TECTA: variants seen among roughly 807,000 people sequenced by gnomAD.
The protein encoded by TECTA is alpha-tectorin.
Under a neutral mutation model 216.8 loss-of-function variants are expected in TECTA, and 128 were observed. That is an observed-to-expected ratio of 0.59 (90% CI 0.51 to 0.68). The LOEUF (loss-of-function observed/expected upper bound fraction) is 0.68. Among genes scored for constraint, TECTA ranks in the 30% least tolerant of loss-of-function variants. The pLI is 0.00. For missense variants in TECTA, 2,551 were observed against 2,786.2 expected, an observed-to-expected ratio of 0.92 and a Z score of 1.90; for synonymous variants, 1,089 against 1,117.1, an observed-to-expected ratio of 0.97 and a Z score of 0.50.
At chr11:121,150,274 G>A (rs1946876983) in intron 12 of TECTA, among the ~76,000 whole-genome samples, 1 of 152,234 alleles carries the variant, frequency 6.6e-6, no homozygotes, top group Admixed American at 6.5e-5. Context: ...TTGTTATTCA[G>A]TAAGTAGTAA....
Position 121,134,442 on chromosome 11 carries a change from G to C in TECTA, c.2942-2979G>C, listed in dbSNP as rs143971613. The stretch of plus-strand genomic sequence containing the variant: ...TGGTTGTCATCTCAGAAGGGCAGTT[G>C]TGTCCCTGGTGAGCCCCCGGGGAGG... On this transcript the variant is annotated intron_variant, in intron 10 of 23. Coordinates refer to ENST00000392793, the MANE Select transcript of TECTA (RefSeq NM_005422.4). Among the ~76,000 whole-genome samples the C allele has an allele frequency of 4.2e-3, 645 of 152,228 alleles. 5 individuals are homozygous for C. Among genetic ancestry groups the C allele is most frequent in the African/African-American group, 0.015 (616 of 41,502 alleles).
At chr11:121,147,666 G>A (rs1191261256) in intron 12 of TECTA, among the ~76,000 whole-genome samples, 6 of 152,186 alleles carry the variant, frequency 3.9e-5, no homozygotes, top group African/African-American at 1.4e-4. Flanking sequence ...CCCAGCTTTG[G>A]ACGCAAAGGC....
chr11:121,146,099 G>C lies in TECTA; in HGVS notation c.4088G>C (p.Arg1363Thr). Residue 1363 changes from arginine to threonine, a missense_variant, in exon 12 of 24, where the codon AGG becomes ACG. Arg to Thr is a moderately conservative substitution (Grantham distance 71, BLOSUM62 -1). Transcript: ENST00000392793. ...CAGGGGATTACGGTGACTGGCTGGA[G>C]GAATTACACGTCCTGCAGTGAGTCC... Reference protein sequence around the residue: ...QTQGITVTGWRNYTSCTVTCP... With the variant: ...QTQGITVTGWTNYTSCTVTCP... 6.2e-7 allele frequency: 1 copy of C among 1,609,782 alleles called. No individual in the cohort carries two copies.
At chr11:121,106,324 G>A (rs935340114) in intron 3 of TECTA, among the ~76,000 whole-genome samples, 3 of 152,226 alleles carry the variant, frequency 2.0e-5, no homozygotes, top group African/African-American at 7.2e-5. Flanking sequence ...TTCCCTTCTG[G>A]GGGTGTGAAA....
chr11:121,117,493 A>G (rs1233765437), intron 6 of TECTA, among the ~76,000 whole-genome samples: 1 of 152,238 alleles, frequency 6.6e-6, no homozygotes, highest in East Asian at 1.9e-4. Flanking sequence ...TACAGAAATG[A>G]TTTTAAAGAC....
In TECTA at chr11:121,189,879, A is replaced by T; in HGVS notation, c.6366A>T (p.Arg2122Ser). 3.1e-6 allele frequency: 5 copies of T among 1,611,776 alleles called. No individual in the cohort carries two copies. The highest frequency in any genetic ancestry group is 4.2e-6 in the Non-Finnish European group (5 of 1,179,068). The change falls in exon 23 of 24, where the codon AGA (arginine) becomes AGT (serine). Residue 2122 changes from arginine (R) to serine (S), a missense_variant and splice_region_variant. By Grantham distance (110) the Arg-to-Ser change is moderately radical. This residue lies in a region of TECTA where 118 missense variants were observed against 116.4 expected (regional missense o/e 1.01). Coordinates refer to ENST00000392793, the MANE Select transcript of TECTA (RefSeq NM_005422.4). ...TGCAGGAGGACGGCAAGAGCTGCAG[A>T]GGTAGACACTCTTCTACCCTGGGGC... is the stretch of plus-strand genomic sequence containing the variant. Reference protein sequence around the residue: ...GTLQEDGKSCRASNSSMELQV... With the variant: ...GTLQEDGKSCSASNSSMELQV...
intron 12 of TECTA, among the ~76,000 whole-genome samples, chr11:121,150,625 C>T (rs892089649): frequency 1.3e-5 from 2 of 150,200 alleles, no homozygotes; most frequent in Non-Finnish European, 2.9e-5. Flanking sequence ...ATATGACATA[C>T]CACAAAGGCC....
chr11:121,181,858 C>T (rs181101558), intron 20 of TECTA, among the ~76,000 whole-genome samples: 1 of 151,226 alleles, frequency 6.6e-6, no homozygotes, highest in African/African-American at 2.4e-5. Flanking sequence ...ATAATAGTTG[C>T]TTCTCCAATT....
chr11:121,109,215 A>G lies in TECTA; in HGVS notation c.203A>G (p.Asn68Ser), dbSNP rs778855778. The change falls in exon 4 of 24, where the codon AAT (asparagine) becomes AGT (serine). Residue 68 changes from asparagine to serine, a missense_variant. Physicochemically the swap from Asn to Ser is conservative, Grantham distance 46. This residue lies in a region of TECTA where 2,375 missense variants were observed against 2,563.9 expected (regional missense o/e 0.93). Transcript: ENST00000392793. ...AAACCTCTCTTATTTTCGTAGGTCA[A>G]TAACAACGGAGTTGTTTCCTTCAAT... is the stretch of plus-strand genomic sequence containing the variant. Reference protein sequence around the residue: ...FGVPYRTVYVNNNGVVSFNVL... With the variant: ...FGVPYRTVYVSNNGVVSFNVL... 3.1e-6 allele frequency: 5 copies of G among 1,614,186 alleles called. No homozygotes were observed. The highest frequency in any genetic ancestry group is 2.5e-6 in the Non-Finnish European group (3 of 1,180,022).
At chr11:121,101,834 G>A (rs7938272) in intron 1 of TECTA, among the ~76,000 whole-genome samples, 5,715 of 152,280 alleles carry the variant, frequency 0.038, 263 homozygotes, top group African/African-American at 0.11. Context: ...GCTTGCGTCC[G>A]TGTTCTCATC....
Position 121,128,353 on chromosome 11 carries a change from C to T in TECTA, c.2367+9C>T, listed in dbSNP as rs368080945. 241 of 1,598,956 alleles carry T rather than the reference C, an allele frequency of 1.5e-4. 2 individuals carry two copies. In the African/African-American group the frequency reaches 2.8e-3, roughly 18 times the overall value. The stretch of plus-strand genomic sequence containing the variant: ...GGGCTTCGGAAGTCAAGGTAAGGCT[C>T]CTTGCTCCTTTGGAGGGGTTCCTGG... On this transcript the variant is annotated intron_variant, in intron 9 of 23. Transcript: ENST00000392793.
intron 11 of TECTA, among the ~76,000 whole-genome samples, chr11:121,140,571 G>A (rs561567512): frequency 7.2e-5 from 11 of 152,294 alleles, no homozygotes; most frequent in African/African-American, 1.7e-4. Context: ...ACAGAAACTC[G>A]TTCTCTCACA....
intron 2 of TECTA, among the ~76,000 whole-genome samples, chr11:121,103,744 G>A (rs1377935500): frequency 2.0e-5 from 3 of 152,128 alleles, no homozygotes; most frequent in African/African-American, 7.2e-5. Context: ...GGCTTCTGCA[G>A]TGTTAATTAC....
intron 14 of TECTA, among the ~76,000 whole-genome samples, chr11:121,158,954 C>T (rs1332817944): frequency 6.6e-6 from 1 of 152,198 alleles, no homozygotes; most frequent in South Asian, 2.1e-4. Context: ...GGTGACCCAG[C>T]CTCTCAGCTA....
rs1221432963 is a variant in TECTA, at chr11:121,185,392, A to G, written c.6000-2440A>G. 2.2e-5 allele frequency among the ~76,000 whole-genome samples: 3 copies of G among 135,410 alleles called. No individual in the cohort carries two copies. The East Asian group carries it at 6.1e-4, about 28-fold the overall frequency. 88.8% of individuals were successfully genotyped at this position (135,410 alleles called of 152,430 possible). ...AGGGAAAGCAGATGTTCAATGCTTA[A>G]TGAATGAGTAGGGAAAGCAGATGTT... On this transcript the variant is annotated intron_variant, in intron 20 of 23. Transcript: ENST00000392793.
At chr11:121,144,884 G>T (rs1043598565) in intron 11 of TECTA, among the ~76,000 whole-genome samples, 4 of 152,192 alleles carry the variant, frequency 2.6e-5, no homozygotes, top group African/African-American at 9.7e-5. Context: ...GGCAGACTGT[G>T]ATGTGTGCTG....
intron 12 of TECTA, among the ~76,000 whole-genome samples, chr11:121,150,510 T>C (rs540521272): frequency 7.2e-5 from 11 of 152,244 alleles, no homozygotes; most frequent in Non-Finnish European, 1.0e-4. Flanking sequence ...CATTAAAAAT[T>C]TTACATCTTT....
At chr11:121,176,701 C>T (rs1274131671) in intron 20 of TECTA, among the ~76,000 whole-genome samples, 1 of 149,980 alleles carries the variant, frequency 6.7e-6, no homozygotes. Flanking sequence ...CTCTGTATTT[C>T]CTGAATCTGA....
chr11:121,133,580 G>C (rs866685188), intron 10 of TECTA, among the ~76,000 whole-genome samples: 6 of 151,990 alleles, frequency 3.9e-5, no homozygotes, highest in African/African-American at 1.2e-4. Flanking sequence ...TCTGATATGG[G>C]CATTTTTGAA....
Sources: gnomAD v4.1 joint callset for allele counts (sites outside exome capture counted in the v4.1 genomes callset) on GRCh38, gnomAD v4.1.1 for gene constraint, gnomAD v4.1.1 regional missense constraint, MANE v1.5 for transcripts, NCBI Gene and HGNC (gene_info 2026-07-23, HGNC 2026-07-21) for gene names.